Variants in KIF6 observed in about 807,000 individuals in gnomAD.
The protein encoded by KIF6 is kinesin family member 6.
Under a neutral mutation model 112.7 loss-of-function variants are expected in KIF6, and 106 were observed. The ratio of observed to expected loss-of-function variants is 0.94; its 90% CI spans 0.80 to 1.11. The LOEUF (loss-of-function observed/expected upper bound fraction) is 1.11, where lower values mean the gene tolerates loss of function less well. Ranked by LOEUF, KIF6 falls within the 50% of genes least tolerant of loss-of-function variation. KIF6 has a pLI of 0.00. For missense variants in KIF6, 929 were observed against 964.0 expected (o/e 0.96, Z 0.48); for synonymous variants, 339 against 339.9 (o/e 1.00, Z 0.03).
chr6:39,610,457 C>T (rs915225437), intron 6 of KIF6, among the ~76,000 whole-genome samples: 2 of 152,206 alleles, frequency 1.3e-5, no homozygotes, highest in African/African-American at 4.8e-5. Flanking sequence ...GTTACCAAGG[C>T]AACTTCTGGA....
chr6:39,431,811 C>T (rs1389265484), intron 13 of KIF6, among the ~76,000 whole-genome samples: 1 of 152,136 alleles, frequency 6.6e-6, no homozygotes, highest in Middle Eastern at 3.2e-3. Flanking sequence ...GTTCAGAGTT[C>T]AACTTCTGGG....
intron 13 of KIF6, among the ~76,000 whole-genome samples, chr6:39,499,626 C>T (rs1053067449): frequency 6.6e-6 from 1 of 152,164 alleles, no homozygotes; most frequent in African/African-American, 2.4e-5. Context: ...GAGCATGCTA[C>T]CTGTCTTCTG....
chr6:39,524,716 A>G (rs904587810), intron 13 of KIF6, among the ~76,000 whole-genome samples: 2 of 152,188 alleles, frequency 1.3e-5, no homozygotes, highest in African/African-American at 2.4e-5. Context: ...TGTTAGGTCA[A>G]CTGAGGCTGT....
At chr6:39,594,169 G>C (rs1782108663) in intron 7 of KIF6, among the ~76,000 whole-genome samples, 1 of 151,410 alleles carries the variant, frequency 6.6e-6, no homozygotes, top group African/African-American at 2.4e-5. Context: ...GAGAGGAATA[G>C]TTTTAGTGAC....
intron 5 of KIF6, among the ~76,000 whole-genome samples, chr6:39,629,916 G>A (rs1353275343): frequency 6.6e-6 from 1 of 151,970 alleles, no homozygotes; most frequent in Admixed American, 6.6e-5. Context: ...ATATCCAGTT[G>A]CTCCAGTACT....
chr6:39,575,437 A>G (rs1780898306), intron 10 of KIF6, among the ~76,000 whole-genome samples: 1 of 151,308 alleles, frequency 6.6e-6, no homozygotes, highest in African/African-American at 2.4e-5. Flanking sequence ...CACCCGGCTA[A>G]TTTTTTTGTA....
chr6:39,365,452 C>T (rs1329532728), intron 16 of KIF6, among the ~76,000 whole-genome samples: 3 of 152,194 alleles, frequency 2.0e-5, no homozygotes, highest in African/African-American at 7.2e-5. Flanking sequence ...TCCTCCTGCT[C>T]TTAGTGTCTT....
At chr6:39,381,211 A>G (rs1450694469) in intron 16 of KIF6, among the ~76,000 whole-genome samples, 2 of 152,180 alleles carry the variant, frequency 1.3e-5, no homozygotes, top group East Asian at 1.9e-4. Context: ...CTCCTGATCC[A>G]ACTTGCTCAT....
intron 13 of KIF6, among the ~76,000 whole-genome samples, chr6:39,436,753 G>C (rs1348195055): frequency 6.6e-6 from 1 of 152,088 alleles, no homozygotes; most frequent in Non-Finnish European, 1.5e-5. Flanking sequence ...GTACCATGCT[G>C]TTTTGGTTAT....
At chr6:39,451,778 C>T (rs551050244) in intron 13 of KIF6, among the ~76,000 whole-genome samples, 1 of 152,230 alleles carries the variant, frequency 6.6e-6, no homozygotes, top group African/African-American at 2.4e-5. Flanking sequence ...GTGATAAAAA[C>T]CCTAACTGAA....
At chr6:39,476,615 A>G (rs1031733666) in intron 13 of KIF6, among the ~76,000 whole-genome samples, 3 of 152,148 alleles carry the variant, frequency 2.0e-5, no homozygotes, top group African/African-American at 7.2e-5. Flanking sequence ...TCTCTTCCTG[A>G]TCTACTAGTT....
intron 13 of KIF6, among the ~76,000 whole-genome samples, chr6:39,453,708 A>G (rs1772848950): frequency 6.6e-6 from 1 of 152,252 alleles, no homozygotes; most frequent in Non-Finnish European, 1.5e-5. Context: ...AAGAATCAAT[A>G]AAAACCACAA....
intron 1 of KIF6, among the ~76,000 whole-genome samples, chr6:39,721,961 G>C (rs1790246141): frequency 6.6e-6 from 1 of 152,002 alleles, no homozygotes; most frequent in African/African-American, 2.4e-5. Context: ...TAAATCTCCA[G>C]AAAGTTTGAA....
At position 39,346,301 on chromosome 6, in the gene KIF6, T is replaced by A. The variant is rs986441283; in HGVS notation, c.2231+175A>T. On this transcript the variant is annotated intron_variant, in intron 20 of 22. Transcript: ENST00000287152. ...GTCATGTGTTGAACCTAATCTCCAA[T>A]GTAATGGTAGTAGAGGTGGGGCCTT... 44 of 694,154 alleles carry A rather than the reference T, an allele frequency of 6.3e-5. 1 individual carries two copies. The Admixed American group carries it at 8.7e-4, about 14-fold the overall frequency. The allele number at this position is 694,154 out of a possible 1,614,324, so 43.0% of individuals were successfully genotyped here. A position where few individuals can be genotyped will look rare whatever the true frequency, so the allele number is the denominator to read the frequency against.
At chr6:39,345,834 T>C in intron 20 of KIF6, 45 bp from the exon 21 acceptor site, 1 of 1,410,822 alleles carries the variant, frequency 7.1e-7, no homozygotes, top group African/African-American at 1.8e-5. Flanking sequence ...GGGGGCAAAT[T>C]TATAGAAGGA....
chr6:39,553,647 G>A (rs564806770), intron 10 of KIF6, among the ~76,000 whole-genome samples: 17 of 152,316 alleles, frequency 1.1e-4, no homozygotes, highest in Admixed American at 1.1e-3. Context: ...GTTTTGAAAA[G>A]TTATACGATT....
intron 3 of KIF6, among the ~76,000 whole-genome samples, chr6:39,661,330 A>G (rs1315597086): frequency 6.6e-6 from 1 of 152,216 alleles, no homozygotes; most frequent in Non-Finnish European, 1.5e-5. Context: ...TTAACTGATT[A>G]TAGAAATAGT....
At chr6:39,692,180 T>C (rs754312366) in intron 3 of KIF6, among the ~76,000 whole-genome samples, 1 of 152,160 alleles carries the variant, frequency 6.6e-6, no homozygotes, top group Non-Finnish European at 1.5e-5. Flanking sequence ...TTCTTCAGCA[T>C]TCAGGAAATA....
At chr6:39,666,991 A>T (rs1786506331) in intron 3 of KIF6, among the ~76,000 whole-genome samples, 1 of 152,136 alleles carries the variant, frequency 6.6e-6, no homozygotes, top group Admixed American at 6.6e-5. Context: ...TTCCTCATAC[A>T]CTTAATTTAT....
Sources: gnomAD v4.1 joint callset for allele counts (sites outside exome capture counted in the v4.1 genomes callset) on GRCh38, gnomAD v4.1.1 for gene constraint, MANE v1.5 for transcripts, NCBI Gene and HGNC (gene_info 2026-07-23, HGNC 2026-07-21) for gene names.